Variants in PFKFB1 observed in about 807,000 individuals in gnomAD.
PFKFB1 encodes the protein 6-phosphofructo-2-kinase/fructose-2,6-biphosphatase 1.
Under a neutral mutation model 46.4 loss-of-function variants are expected in PFKFB1, and 34 were observed. The ratio of observed to expected loss-of-function variants is 0.73; its 90% CI spans 0.56 to 0.98. The LOEUF is 0.98. Among genes scored for constraint, PFKFB1 ranks in the 50% least tolerant of loss-of-function variants. The pLI is 0.00. For synonymous variants in PFKFB1, 119 were observed against 133.8 expected (o/e 0.89, Z 0.76); for missense variants, 393 against 376.3 (o/e 1.04, Z -0.37).
At chrX:54,994,955 G>T, upstream of PFKFB1, 1 of 492,108 alleles carries the variant, frequency 2.0e-6, no homozygotes, top group Non-Finnish European at 2.5e-6. Flanking sequence ...AATGACACTG[G>T]CATCATGAAC....
intron 1 of PFKFB1, among the ~76,000 whole-genome samples, chrX:54,973,814 C>G (rs887109058): frequency 6.3e-5 from 7 of 111,373 alleles, no homozygotes; most frequent in African/African-American, 2.3e-4. Context: ...AATGTATATT[C>G]TGTTGATTTG....
At chrX:54,977,813 G>A (rs780716972) in intron 1 of PFKFB1, among the ~76,000 whole-genome samples, 1 of 110,667 alleles carries the variant, frequency 9.0e-6, no homozygotes, top group East Asian at 2.9e-4. Context: ...GAGAATAGAA[G>A]TATATCAAAG....
chrX:54,949,054 G>A, intron 9 of PFKFB1, 21 bp downstream of exon 9: 2 of 1,207,552 alleles, frequency 1.7e-6, no homozygotes, highest in Non-Finnish European at 2.2e-6. Flanking sequence ...ACACACAGGA[G>A]ATTCACCCCA....
chrX:54,955,757 G>A (rs376437927), intron 7 of PFKFB1, among the ~76,000 whole-genome samples: 1 of 112,049 alleles, frequency 8.9e-6, no homozygotes, highest in Admixed American at 9.5e-5. Context: ...GAAATTTTAT[G>A]ACCATAAGAC....
intron 1 of PFKFB1, among the ~76,000 whole-genome samples, chrX:54,975,290 C>T (rs59245591): frequency 9.0e-6 from 1 of 111,296 alleles, no homozygotes; most frequent in African/African-American, 3.3e-5. Context: ...CCATGGAATA[C>T]TACTCAGCCA....
chrX:54,958,269 G>A (rs1432879229), intron 6 of PFKFB1, 37 bp downstream of exon 6: 1 of 995,081 alleles, frequency 1.0e-6, no homozygotes, highest in South Asian at 2.0e-5. Context: ...CTAAGCCTAA[G>A]GCAGAGCAAA....
chrX:54,974,870 C>T (rs1310246843), intron 1 of PFKFB1, among the ~76,000 whole-genome samples: 3 of 111,452 alleles, frequency 2.7e-5, no homozygotes, highest in Non-Finnish European at 3.8e-5. Flanking sequence ...ACATCACTAT[C>T]TTTCAGGGAA....
intron 11 of PFKFB1, among the ~76,000 whole-genome samples, chrX:54,936,933 G>A (rs2885192): frequency 0.052 from 5,748 of 110,637 alleles, 323 homozygotes; most frequent in African/African-American, 0.17. Flanking sequence ...ATCCACATTG[G>A]AAATGGAATC....
intron 1 of PFKFB1, among the ~76,000 whole-genome samples, chrX:54,978,936 A>G (rs1451813925): frequency 8.9e-6 from 1 of 112,141 alleles, no homozygotes; most frequent in Non-Finnish European, 1.9e-5. Context: ...TTCTAAGGAA[A>G]TAAGACAATT....
chrX:54,974,691 C>T (rs761141400), intron 1 of PFKFB1, among the ~76,000 whole-genome samples: 1 of 111,533 alleles, frequency 9.0e-6, no homozygotes. Context: ...AGAAAATATT[C>T]GCAAACTATG....
upstream of PFKFB1, among the ~76,000 whole-genome samples, chrX:54,997,162 C>G (rs766071365): frequency 8.9e-6 from 1 of 112,025 alleles, no homozygotes; most frequent in Admixed American, 9.4e-5. Context: ...ACAACTAATC[C>G]TAGTTCAACA....
intron 10 of PFKFB1, among the ~76,000 whole-genome samples, chrX:54,942,185 T>C (rs887856934): frequency 1.8e-5 from 2 of 110,996 alleles, no homozygotes; most frequent in Non-Finnish European, 3.8e-5. Flanking sequence ...TAGGTGGGAA[T>C]TGAACACTAA....
At chrX:54,961,337 T>C (rs1299892618) in intron 2 of PFKFB1, among the ~76,000 whole-genome samples, 1 of 110,427 alleles carries the variant, frequency 9.1e-6, no homozygotes, top group Non-Finnish European at 1.9e-5. Flanking sequence ...TCACCAAGGG[T>C]CAAACAGTGA....
Position 54,945,504 on chromosome X carries a change from G to A in PFKFB1, c.1033C>T (p.His345Tyr). ...EEMTYEEIQE[H>Y]YPEEFALRDQ... is the part of the protein sequence containing the mutation. ...CGCAGTGCAAATTCTTCAGGGTAAT[G>A]TTCCTGGATTTCTTCATAGGTCATC... Residue 345 changes from histidine (H) to tyrosine (Y), a missense_variant, in exon 10 of 14, where the codon CAT becomes TAT. Transcript: ENST00000375006. 4 of 1,200,301 alleles carry A rather than the reference G, an allele frequency of 3.3e-6. No individual in the cohort carries two copies. The highest frequency in any genetic ancestry group is 3.4e-6 in the Non-Finnish European group (3 of 885,944).
At chrX:54,938,473 C>T (rs1405704494) in intron 10 of PFKFB1, among the ~76,000 whole-genome samples, 1 of 111,358 alleles carries the variant, frequency 9.0e-6, no homozygotes, top group Non-Finnish European at 1.9e-5. Flanking sequence ...AGTCAAGACC[C>T]ATCAGTGTGC....
In PFKFB1 at chrX:54,949,230, T is replaced by G; in HGVS notation, c.847-9A>C. On this transcript the variant is annotated splice_polypyrimidine_tract_variant and intron_variant, in intron 8 of 13. Transcript: ENST00000375006. The stretch of plus-strand genomic sequence containing the variant: ...GCCAGGGCATAGGCATACTAGGATG[T>G]GGGGATGCAGAGGAGGAGAGAAGGG... The G allele has an allele frequency of 8.4e-7, 1 of 1,183,577 alleles. No homozygotes were observed. Among genetic ancestry groups the G allele is most frequent in the South Asian group, 1.9e-5 (1 of 53,313 alleles).
intron 1 of PFKFB1, among the ~76,000 whole-genome samples, chrX:54,980,420 T>C (rs1450809494): frequency 9.1e-6 from 1 of 109,986 alleles, no homozygotes; most frequent in Non-Finnish European, 1.9e-5. Context: ...GACACATTTC[T>C]GGCTTAAAAC....
At chrX:54,949,359 A>C (rs1602186171) in intron 8 of PFKFB1, 138 bp from the exon 9 acceptor site, 3 of 444,081 alleles carry the variant, frequency 6.8e-6, no homozygotes, top group Non-Finnish European at 1.1e-5. Flanking sequence ...TAAATGTTCC[A>C]AACTTATAAA....
chrX:54,945,054 G>A (rs903739143), intron 10 of PFKFB1, among the ~76,000 whole-genome samples: 1 of 111,954 alleles, frequency 8.9e-6, no homozygotes, highest in Non-Finnish European at 1.9e-5. Context: ...TGTCCCTTGG[G>A]ACAATGCCAA....
Sources: gnomAD v4.1 joint callset for allele counts (sites outside exome capture counted in the v4.1 genomes callset) on GRCh38, gnomAD v4.1.1 for gene constraint, MANE v1.5 for transcripts, NCBI Gene and HGNC (gene_info 2026-07-23, HGNC 2026-07-21) for gene names.